Variants in BAZ2B observed in about 807,000 individuals in gnomAD.
The protein encoded by BAZ2B is bromodomain adjacent to zinc finger domain protein 2B.
In BAZ2B, 91 loss-of-function variants were observed where a neutral mutation model predicts 246.0. The ratio of observed to expected loss-of-function variants is 0.37; its 90% CI spans 0.31 to 0.44. The LOEUF (loss-of-function observed/expected upper bound fraction) is 0.44. Among genes scored for constraint, BAZ2B ranks in the 20% least tolerant of loss-of-function variants. The pLI, the probability that BAZ2B is intolerant of heterozygous loss-of-function variation, is 1.00. For synonymous variants in BAZ2B, 855 were observed against 860.0 expected, an observed-to-expected ratio of 0.99 and a Z score of 0.10; for missense variants, 2,332 against 2,533.7, an observed-to-expected ratio of 0.92 and a Z score of 1.71.
chr2:159,586,979 A>C (rs1282346357), intron 1 of BAZ2B, among the ~76,000 whole-genome samples: 1 of 152,158 alleles, frequency 6.6e-6, no homozygotes, highest in African/African-American at 2.4e-5. Flanking sequence ...ATACCTTCCT[A>C]AAACCTAAAC....
At chr2:159,488,369 A>G (rs2080077872) in intron 2 of BAZ2B, among the ~76,000 whole-genome samples, 1 of 152,028 alleles carries the variant, frequency 6.6e-6, no homozygotes, top group African/African-American at 2.4e-5. Flanking sequence ...TACCGCACCC[A>G]CCAATAATTG....
the BAZ2B span, among the ~76,000 whole-genome samples, chr2:159,698,329 C>A: frequency 3.3e-5 from 5 of 151,646 alleles, no homozygotes; most frequent in Admixed American, 3.3e-4. Flanking sequence ...TTGAGACCAG[C>A]GGGGCAATAT....
the BAZ2B span, among the ~76,000 whole-genome samples, chr2:159,648,763 A>T: frequency 2.6e-5 from 4 of 152,180 alleles, no homozygotes; most frequent in Non-Finnish European, 5.9e-5. Context: ...ATTACAAATC[A>T]TGTTGCTATG....
At chr2:159,643,002 C>T in the BAZ2B span, among the ~76,000 whole-genome samples, 1 of 152,212 alleles carries the variant, frequency 6.6e-6, no homozygotes, top group Non-Finnish European at 1.5e-5. Flanking sequence ...TTCACCAATA[C>T]TAAGTTCCTG....
At chr2:159,424,031 A>G (rs1290354593) in intron 13 of BAZ2B, among the ~76,000 whole-genome samples, 1 of 152,174 alleles carries the variant, frequency 6.6e-6, no homozygotes, top group Non-Finnish European at 1.5e-5. Flanking sequence ...AAAAATAAAT[A>G]AAGCACTGTG....
chr2:159,472,252 G>GT (rs1374921686), intron 3 of BAZ2B, among the ~76,000 whole-genome samples: 1 of 152,140 alleles, frequency 6.6e-6, no homozygotes, highest in Non-Finnish European at 1.5e-5. Context: ...TGATTTGGCT[G>GT]TTTGTCTATT....
At chr2:159,336,076 C>A (rs2193920) in intron 33 of BAZ2B, among the ~76,000 whole-genome samples, 1 of 152,160 alleles carries the variant, frequency 6.6e-6, no homozygotes, top group Non-Finnish European at 1.5e-5. Context: ...CAGGAGAATC[C>A]CCTGAACCCA....
At chr2:159,395,186 T>C (rs922219740) in intron 20 of BAZ2B, among the ~76,000 whole-genome samples, 3 of 152,194 alleles carry the variant, frequency 2.0e-5, no homozygotes, top group African/African-American at 7.2e-5. Flanking sequence ...GCCCCAGTTA[T>C]AATGACTCTA....
chr2:159,553,409 A>G (rs1215372002), intron 2 of BAZ2B, among the ~76,000 whole-genome samples: 2 of 150,686 alleles, frequency 1.3e-5, no homozygotes, highest in East Asian at 1.9e-4. Context: ...AAAAAAAAAA[A>G]AAAAAAAGAA....
chr2:159,424,998 C>T (rs2069522725), intron 13 of BAZ2B, among the ~76,000 whole-genome samples: 1 of 152,100 alleles, frequency 6.6e-6, no homozygotes, highest in South Asian at 2.1e-4. Flanking sequence ...ACTAATGAAT[C>T]CACAAATACA....
chr2:159,596,903 C>T (rs535863001), intron 1 of BAZ2B, among the ~76,000 whole-genome samples: 1 of 152,230 alleles, frequency 6.6e-6, no homozygotes, highest in African/African-American at 2.4e-5. Context: ...TTCCTCTGGG[C>T]AGATACTCAG....
chr2:159,383,779 T>C, intron 23 of BAZ2B, 99 bp from the exon 24 acceptor site: 1 of 1,016,992 alleles, frequency 9.8e-7, no homozygotes, highest in Non-Finnish European at 1.5e-6. Context: ...TAATGCATTT[T>C]TGAATAAGTA....
intron 3 of BAZ2B, among the ~76,000 whole-genome samples, chr2:159,476,831 C>A (rs1413356856): frequency 6.6e-6 from 1 of 152,106 alleles, no homozygotes; most frequent in African/African-American, 2.4e-5. Flanking sequence ...ATCATTTACA[C>A]AAATTTATCT....
intron 31 of BAZ2B, among the ~76,000 whole-genome samples, chr2:159,340,711 GAA>G (rs1238260709): frequency 6.6e-6 from 1 of 151,788 alleles, no homozygotes; most frequent in Non-Finnish European, 1.5e-5. Flanking sequence ...CAGACTGAGG[GAA>G]ACTGAAGGAA....
At chr2:159,486,499 C>T (rs2079842976) in intron 2 of BAZ2B, among the ~76,000 whole-genome samples, 1 of 151,536 alleles carries the variant, frequency 6.6e-6, no homozygotes, top group Admixed American at 6.6e-5. Context: ...AGATGCAGAA[C>T]CATATAACAG....
At chr2:159,649,473 TG>T in the BAZ2B span, among the ~76,000 whole-genome samples, 1 of 152,132 alleles carries the variant, frequency 6.6e-6, no homozygotes, top group Non-Finnish European at 1.5e-5. Context: ...GGGGAGTGGC[TG>T]TAAATACAGA....
intron 35 of BAZ2B, 123 bp from the exon 36 acceptor site, chr2:159,325,077 T>TATTATA (rs1414108733): frequency 8.2e-4 from 2 of 2,452 alleles, no homozygotes; most frequent in African/African-American, 1.5e-3. Flanking sequence ...TATATATATA[T>TATTATA]TATATATATA....
chr2:159,542,465 C>T (rs1051852650), intron 2 of BAZ2B, among the ~76,000 whole-genome samples: 6 of 151,862 alleles, frequency 4.0e-5, no homozygotes, highest in African/African-American at 1.5e-4. Flanking sequence ...TTCTTATGTA[C>T]AAGGAATCTT....
intron 2 of BAZ2B, among the ~76,000 whole-genome samples, chr2:159,519,236 T>TTTTTTTA (rs1553692833): frequency 2.3e-4 from 16 of 70,612 alleles, no homozygotes; most frequent in South Asian, 1.0e-3. Flanking sequence ...TTTTTTTTTT[T>TTTTTTTA]TTTTGAGACG....
Sources: allele counts gnomAD v4.1 joint callset (sites outside exome capture counted in the v4.1 genomes callset), GRCh38; gene constraint gnomAD v4.1.1; transcripts MANE v1.5; gene names NCBI Gene and HGNC (gene_info 2026-07-23, HGNC 2026-07-21).